Variants in BMP8B observed in about 807,000 individuals in gnomAD.
The protein encoded by BMP8B is bone morphogenetic protein 8b.
A neutral mutation model predicts 30.3 loss-of-function variants in BMP8B; 17 were observed. The observed-to-expected ratio is 0.56, with a 90% confidence interval of 0.38 to 0.84. The LOEUF is 0.84. Ranked by LOEUF, BMP8B falls within the 40% of genes least tolerant of loss-of-function variation. BMP8B has a pLI of 0.00. For synonymous variants in BMP8B, 131 were observed against 214.7 expected, an observed-to-expected ratio of 0.61 and a Z score of 3.41; for missense variants, 253 against 494.6, an observed-to-expected ratio of 0.51 and a Z score of 4.63.
chr1:39,779,808 C>T (rs948082641), intron 1 of BMP8B, among the ~76,000 whole-genome samples: 10 of 152,226 alleles, frequency 6.6e-5, no homozygotes, highest in African/African-American at 2.2e-4. Context: ...TTGTCTGTGG[C>T]TGTGTAACTC....
intron 3 of BMP8B, among the ~76,000 whole-genome samples, chr1:39,766,958 C>A (rs1401746590): frequency 1.3e-5 from 2 of 152,268 alleles, no homozygotes; most frequent in African/African-American, 2.4e-5. Flanking sequence ...CAGGGCAGCC[C>A]TCCTGGCTCC....
Position 39,770,499 on chromosome 1 carries a change from C to T in BMP8B, c.673+3809G>A, listed in dbSNP as rs748682366. The T allele has an allele frequency of 1.2e-5, 19 of 1,610,268 alleles. No individual in the cohort carries two copies. In the South Asian group the frequency reaches 1.9e-4, roughly 16 times the overall value. On this transcript the variant is annotated intron_variant, in intron 3 of 6. Coordinates refer to ENST00000372827, the MANE Select transcript of BMP8B (RefSeq NM_001720.5). Reference sequence around the variant, plus strand: ...ACGTGGATGTCTTCTGGGGGGAAAGCCCCCACCTCCACGATCTCTTCCACC... The same window carrying T: ...ACGTGGATGTCTTCTGGGGGGAAAGTCCCCACCTCCACGATCTCTTCCACC...
chr1:39,777,316 T>C (rs1569842784), intron 1 of BMP8B, among the ~76,000 whole-genome samples: 1 of 152,260 alleles, frequency 6.6e-6, no homozygotes, highest in East Asian at 1.9e-4. Flanking sequence ...AACCAGCTTC[T>C]GTCTGGGGAA....
At chr1:39,760,599 T>G in intron 6 of BMP8B, 31 bp from the exon 7 acceptor site, 1 of 1,606,952 alleles carries the variant, frequency 6.2e-7, no homozygotes, top group Non-Finnish European at 8.5e-7. Flanking sequence ...GGCAGGGGCA[T>G]GAGCCCAGTG....
intron 1 of BMP8B, among the ~76,000 whole-genome samples, chr1:39,780,161 C>T (rs1650531585): frequency 6.6e-6 from 1 of 152,232 alleles, no homozygotes; most frequent in African/African-American, 2.4e-5. Context: ...ATTGGTCACA[C>T]AGACCAGCAC....
In BMP8B at chr1:39,762,918, T is replaced by A. The variant is rs572675527; in HGVS notation, c.1059+174A>T. On this transcript the variant is annotated intron_variant, in intron 6 of 6. Coordinates refer to ENST00000372827, the MANE Select transcript of BMP8B (RefSeq NM_001720.5). ...CGAGTCTACGTGTAGTGTGGCTGTA[T>A]AAGGACCAGTTCCTGCAGAGCTGTG... 9.2e-4 allele frequency among the ~76,000 whole-genome samples: 140 copies of A among 152,320 alleles called. 1 individual carries two copies. The highest frequency in any genetic ancestry group is 3.2e-3 in the African/African-American group (131 of 41,552).
rs1419590475 is a variant in BMP8B, at chr1:39,757,598, TC to T, written c.*2820del. 9 of 152,392 alleles carry T rather than the reference TC, an allele frequency of 5.9e-5. No homozygotes were observed. In the East Asian group the frequency reaches 1.7e-3, roughly 29 times the overall value. 9.4% of individuals were successfully genotyped at this position (152,392 alleles called of 1,614,324 possible). Reference sequence around the variant, plus strand: ...TTTGCCTGTTGTATGCGTCCTCTCTTCCTGTCAACTGTCATTGATTTCTCAT... The same window carrying T: ...TTTGCCTGTTGTATGCGTCCTCTCTTCTGTCAACTGTCATTGATTTCTCAT... On this transcript the variant is annotated 3_prime_UTR_variant, in exon 7 of 7. Coordinates refer to ENST00000372827, the MANE Select transcript of BMP8B (RefSeq NM_001720.5).
chr1:39,769,869 C>T (rs544321343), intron 3 of BMP8B: 4 of 1,611,102 alleles, frequency 2.5e-6, no homozygotes, highest in Admixed American at 1.7e-5. Context: ...ATGCGGTCCA[C>T]GCACCGCTTC....
rs1379497280 is a variant in BMP8B at position 39,758,273 on chromosome 1, C to G, written c.*2146G>C. On this transcript the variant is annotated 3_prime_UTR_variant, in exon 7 of 7. Coordinates refer to ENST00000372827, the MANE Select transcript of BMP8B (RefSeq NM_001720.5). ...GAGACAACAGTTTTGCTCATGTCAC[C>G]AGGCTGAAGTGCAATGTTGTGATCT... 1 of 152,156 alleles carries G rather than the reference C, an allele frequency of 6.6e-6. No homozygotes were observed. The highest frequency in any genetic ancestry group is 2.4e-5 in the African/African-American group (1 of 41,434). 9.4% of individuals were successfully genotyped at this position (152,156 alleles called of 1,614,324 possible).
intron 6 of BMP8B, among the ~76,000 whole-genome samples, chr1:39,760,802 C>T (rs1293696584): frequency 6.6e-6 from 1 of 152,174 alleles, no homozygotes; most frequent in Non-Finnish European, 1.5e-5. Context: ...GGGTGTGCAG[C>T]AGGTGGGCAA....
At chr1:39,762,751 G>A in intron 6 of BMP8B, 1 of 1,379,074 alleles carries the variant, frequency 7.3e-7, no homozygotes, top group Non-Finnish European at 9.7e-7. Context: ...AGATCACACA[G>A]CCCCCACACA....
chr1:39,778,596 T>G (rs1490537686), intron 1 of BMP8B, among the ~76,000 whole-genome samples: 1 of 152,036 alleles, frequency 6.6e-6, no homozygotes, highest in Non-Finnish European at 1.5e-5. Context: ...CTTCAAGGGC[T>G]GTTTCCATAA....
At chr1:39,776,498 C>A (rs1278632224) in intron 1 of BMP8B, among the ~76,000 whole-genome samples, 1 of 152,174 alleles carries the variant, frequency 6.6e-6, no homozygotes, top group Non-Finnish European at 1.5e-5. Context: ...CCAGGCTGTG[C>A]GGGCCGAGGC....
At chr1:39,770,506 C>T in intron 3 of BMP8B, 4 of 1,610,484 alleles carry the variant, frequency 2.5e-6, no homozygotes, top group Non-Finnish European at 3.4e-6. Context: ...AAGCCCCCAC[C>T]TCCACGATCT....
At chr1:39,786,863 G>A (rs1222186467) in intron 1 of BMP8B, among the ~76,000 whole-genome samples, 1 of 152,230 alleles carries the variant, frequency 6.6e-6, no homozygotes, top group African/African-American at 2.4e-5. Context: ...GCTCTGGGTT[G>A]CGGGAAGCAG....
Position 39,760,575 on chromosome 1 carries a change from A to C in BMP8B, c.1060-7T>G. 6.2e-7 allele frequency: 1 copy of C among 1,613,158 alleles called. No homozygotes were observed. Among genetic ancestry groups the C allele is most frequent in the Non-Finnish European group, 8.5e-7 (1 of 1,179,902 alleles). ...CTGGCATCATCAGGTGCACCTGGCC[A>C]GGAAGAGGGCACAGGCAGGGGCATG... On this transcript the variant is annotated splice_polypyrimidine_tract_variant and splice_region_variant and intron_variant, in intron 6 of 6. Transcript: ENST00000372827.
At chr1:39,769,863 G>C in intron 3 of BMP8B, 2 of 1,611,300 alleles carry the variant, frequency 1.2e-6, no homozygotes, top group Non-Finnish European at 8.5e-7. Flanking sequence ...GTGATGATGC[G>C]GTCCACGCAC....
At chr1:39,775,148 G>A (rs1346028844) in intron 1 of BMP8B, 110 bp from the exon 2 acceptor site, 3 of 1,504,296 alleles carry the variant, frequency 2.0e-6, no homozygotes, top group Non-Finnish European at 2.7e-6. Context: ...AGGTGGAGCG[G>A]ACCCAGGGAG....
intron 3 of BMP8B, chr1:39,770,397 C>T (rs1299223339): frequency 1.1e-5 from 18 of 1,601,170 alleles, no homozygotes; most frequent in Non-Finnish European, 1.5e-5. Context: ...CCATCTTCCT[C>T]TTTCAGGATC....
Sources: allele counts gnomAD v4.1 joint callset (sites outside exome capture counted in the v4.1 genomes callset), GRCh38; gene constraint gnomAD v4.1.1; transcripts MANE v1.5; gene names NCBI Gene and HGNC (gene_info 2026-07-23, HGNC 2026-07-21).